The following ARID3B variants were observed in gnomAD, a reference collection of about 807,000 sequenced individuals.
The protein encoded by ARID3B is AT-rich interactive domain-containing protein 3B.
Under a neutral mutation model 51.9 loss-of-function variants are expected in ARID3B, and 10 were observed. That is an observed-to-expected ratio of 0.19 (90% CI 0.12 to 0.33). ARID3B has a LOEUF of 0.33. Among genes scored for constraint, ARID3B ranks in the 10% least tolerant of loss-of-function variants. The probability of loss-of-function intolerance (pLI) is 1.00; values close to 1 mark genes in which losing one functional copy is unlikely to be tolerated. For synonymous variants in ARID3B, 205 were observed against 279.5 expected, an observed-to-expected ratio of 0.73 and a Z score of 2.66; for missense variants, 483 against 716.3, an observed-to-expected ratio of 0.67 and a Z score of 3.72.
intron 4 of ARID3B, among the ~76,000 whole-genome samples, chr15:74,577,413 C>A (rs2141469416): frequency 6.6e-6 from 1 of 152,160 alleles, no homozygotes; most frequent in African/African-American, 2.4e-5. Context: ...CAAGATCGCA[C>A]CATTGCACTC....
At chr15:74,572,682 A>G (rs2061723277) in intron 2 of ARID3B, among the ~76,000 whole-genome samples, 180 bp from the exon 3 acceptor site, 1 of 152,188 alleles carries the variant, frequency 6.6e-6, no homozygotes, top group African/African-American at 2.4e-5. Flanking sequence ...AAGCCAAAAA[A>G]AAAAAAGATG....
At chr15:74,564,900 CTGAAGTCTAG>C (rs2061692177) in intron 2 of ARID3B, among the ~76,000 whole-genome samples, 1 of 151,970 alleles carries the variant, frequency 6.6e-6, no homozygotes, top group Non-Finnish European at 1.5e-5. Flanking sequence ...CATGTCTGGC[CTGAAGTCTAG>C]TGATTTTCTA....
Position 74,591,935 on chromosome 15 carries a change from A to G in ARID3B, c.1420+121A>G. 1 of 1,459,906 alleles carries G rather than the reference A, an allele frequency of 6.8e-7. No individual in the cohort carries two copies. The highest frequency in any genetic ancestry group is 9.2e-7 in the Non-Finnish European group (1 of 1,089,560). 90.4% of individuals were successfully genotyped at this position (1,459,906 alleles called of 1,614,324 possible). ...CTCCTGACCTGGAAGAGGCCCCTCC[A>G]GGTTCTGCCTTCCAGGCCCCTAGAA... On this transcript the variant is annotated intron_variant, in intron 7 of 8. Coordinates refer to ENST00000346246, the MANE Select transcript of ARID3B (RefSeq NM_006465.4). This position sits in a 1 kb window ranked among gnomAD's most constrained non-coding sequence, Gnocchi z 5.8.
intron 2 of ARID3B, among the ~76,000 whole-genome samples, chr15:74,548,444 AACC>A (rs1282637735): frequency 2.0e-5 from 3 of 152,208 alleles, no homozygotes; most frequent in Non-Finnish European, 4.4e-5. Context: ...GCTGTGATCC[AACC>A]ACGGGCTTAA....
chr15:74,551,263 T>C (rs2061636486), intron 2 of ARID3B, among the ~76,000 whole-genome samples: 1 of 152,242 alleles, frequency 6.6e-6, no homozygotes, highest in African/African-American at 2.4e-5. Flanking sequence ...CAACTCCTTT[T>C]CAGGTTTTCT....
intron 2 of ARID3B, among the ~76,000 whole-genome samples, chr15:74,545,435 TAC>T (rs1354049806): frequency 2.0e-5 from 3 of 152,210 alleles, no homozygotes; most frequent in Non-Finnish European, 4.4e-5. Flanking sequence ...TTTTAAAAAA[TAC>T]AGATTGCTGA....
chr15:74,544,681 A>G (rs940945545), intron 2 of ARID3B, among the ~76,000 whole-genome samples, 193 bp downstream of exon 2: 2 of 148,598 alleles, frequency 1.3e-5, no homozygotes, highest in East Asian at 2.0e-4. Context: ...AATGAAATAT[A>G]TGTTACTCTT....
chr15:74,593,090 G>A (rs767860581), intron 7 of ARID3B, 48 bp from the exon 8 acceptor site: 1 of 1,561,780 alleles, frequency 6.4e-7, no homozygotes, highest in African/African-American at 1.4e-5. Context: ...GACAACAGGA[G>A]TGCTGTGGAA....
intron 4 of ARID3B, among the ~76,000 whole-genome samples, chr15:74,577,004 T>G (rs1012111877): frequency 1.3e-5 from 2 of 152,220 alleles, no homozygotes; most frequent in Admixed American, 1.3e-4. Context: ...TCTGTAGATA[T>G]AGCTGAGTTA....
At chr15:74,571,752 T>C (rs1417351885) in intron 2 of ARID3B, among the ~76,000 whole-genome samples, 1 of 152,104 alleles carries the variant, frequency 6.6e-6, no homozygotes, top group Non-Finnish European at 1.5e-5. Flanking sequence ...AGAGATTGCT[T>C]TTAGAGGGTT....
intron 4 of ARID3B, among the ~76,000 whole-genome samples, chr15:74,578,112 C>G (rs1275610409): frequency 6.6e-6 from 1 of 151,930 alleles, no homozygotes. Context: ...CTGCCTCCGA[C>G]TCCCAAAGTA....
rs568426870 is a variant in ARID3B at position 74,596,648 on chromosome 15, C to G, written c.*874C>G. On this transcript the variant is annotated 3_prime_UTR_variant, in exon 9 of 9. Transcript: ENST00000346246. ...TCTTCAGCTCAGCCCTCTTCTATTTCTTATGGGGCCATCTTGGCCTCACCA... is the reference window on the plus strand; with the variant it reads ...TCTTCAGCTCAGCCCTCTTCTATTTGTTATGGGGCCATCTTGGCCTCACCA... 4.3e-6 allele frequency: 1 copy of G among 233,800 alleles called. No homozygotes were observed. Among genetic ancestry groups the G allele is most frequent in the Admixed American group, 5.6e-5 (1 of 17,806 alleles). 14.5% of individuals were successfully genotyped at this position (233,800 alleles called of 1,614,324 possible).
chr15:74,588,882 G>T (rs940894014), intron 4 of ARID3B, among the ~76,000 whole-genome samples: 56 of 152,044 alleles, frequency 3.7e-4, no homozygotes, highest in African/African-American at 1.2e-3. Flanking sequence ...TGTGGGGAGA[G>T]AATTGAGTGG....
At chr15:74,585,188 C>G (rs1007182311) in intron 4 of ARID3B, among the ~76,000 whole-genome samples, 4 of 152,256 alleles carry the variant, frequency 2.6e-5, no homozygotes, top group Non-Finnish European at 5.9e-5. Flanking sequence ...AGGGCCAACA[C>G]CAGTGACCCA....
intron 8 of ARID3B, 68 bp downstream of exon 8, chr15:74,593,304 G>A: frequency 2.1e-6 from 3 of 1,441,874 alleles, no homozygotes; most frequent in Non-Finnish European, 2.9e-6. Flanking sequence ...TCTGCGGCTG[G>A]CCCTGCCTCT....
At chr15:74,582,794 C>G (rs1293217323) in intron 4 of ARID3B, among the ~76,000 whole-genome samples, 1 of 152,154 alleles carries the variant, frequency 6.6e-6, no homozygotes, top group Non-Finnish European at 1.5e-5. Context: ...CATAGCAGCT[C>G]CATTCATTAT....
Position 74,597,258 on chromosome 15 carries a change from G to T in ARID3B, c.*1484G>T, listed in dbSNP as rs1015052663. ...TGTAAAGAAAATTGATTCGCTTGCG[G>T]CTCACCTCAGTCGAGGAAGCCCTGG... On this transcript the variant is annotated 3_prime_UTR_variant, in exon 9 of 9. Transcript: ENST00000346246. 107 of 380,022 alleles carry T rather than the reference G, an allele frequency of 2.8e-4. No homozygotes were observed. The highest frequency in any genetic ancestry group is 4.4e-4 in the Non-Finnish European group (90 of 203,668). The allele number at this position is 380,022 out of a possible 1,614,324, so 23.5% of individuals were successfully genotyped here.
chr15:74,581,580 G>T (rs899519985), intron 4 of ARID3B, among the ~76,000 whole-genome samples: 3 of 152,038 alleles, frequency 2.0e-5, no homozygotes, highest in Non-Finnish European at 2.9e-5. Flanking sequence ...CTTTGTCTCA[G>T]GCCAGATCCT....
rs375093355 is a variant in ARID3B, at chr15:74,544,071, G to C, written c.135G>C (p.Lys45Asn). The change falls in exon 2 of 9, where the codon AAG becomes AAC. Residue 45 changes from lysine (K) to asparagine (N), a missense_variant. Lys to Asn is a moderately conservative substitution (Grantham distance 94, BLOSUM62 0). Around this residue, in one of 3 missense-constraint regions of ARID3B, gnomAD observed 182 missense variants for 244.5 expected, o/e 0.74. Transcript: ENST00000346246. ...MREAQFLYAQ[K>N]LVTQPTLLSA... ...AAGCCCAGTTCTTGTATGCCCAAAA[G>C]CTGGTCACACAGCCGACTCTCCTTT... is the stretch of plus-strand genomic sequence containing the variant. The C allele has an allele frequency of 1.8e-4, 291 of 1,613,854 alleles. No individual in the cohort carries two copies. Among genetic ancestry groups the C allele is most frequent in the Non-Finnish European group, 2.1e-4 (251 of 1,179,904 alleles).
Sources: gnomAD v4.1 joint callset for allele counts (sites outside exome capture counted in the v4.1 genomes callset) on GRCh38, gnomAD v4.1.1 for gene constraint, gnomAD v4.1.1 regional missense constraint, Gnocchi (gnomAD v3.1) non-coding constraint, MANE v1.5 for transcripts, NCBI Gene and HGNC (gene_info 2026-07-23, HGNC 2026-07-21) for gene names.